GPC5: variants seen among roughly 807,000 people sequenced by gnomAD.
GPC5 encodes the protein glypican-5.
A neutral mutation model predicts 53.9 loss-of-function variants in GPC5; 47 were observed. The ratio of observed to expected loss-of-function variants is 0.87; its 90% CI spans 0.69 to 1.11. GPC5 has a LOEUF of 1.11. GPC5 is among the 50% of genes most tolerant of loss of function. The probability of loss-of-function intolerance (pLI) is 0.00; values close to 1 mark genes in which losing one functional copy is unlikely to be tolerated. For synonymous variants in GPC5, 286 were observed against 263.3 expected, an observed-to-expected ratio of 1.09 and a Z score of -0.84; for missense variants, 748 against 713.1, an observed-to-expected ratio of 1.05 and a Z score of -0.56.
intron 6 of GPC5, among the ~76,000 whole-genome samples, chr13:92,033,429 T>G (rs781493707): frequency 6.5e-4 from 99 of 152,262 alleles, no homozygotes; most frequent in Middle Eastern, 6.8e-3. Flanking sequence ...ACCTTGCTCT[T>G]CACAAGGAAA....
At chr13:91,734,652 C>A (rs1236748320) in intron 4 of GPC5, among the ~76,000 whole-genome samples, 6 of 151,404 alleles carry the variant, frequency 4.0e-5, no homozygotes, top group Admixed American at 1.3e-4. Flanking sequence ...CTCAAGGGAT[C>A]CCAGCCTTCA....
At chr13:91,417,662 T>C (rs954008450) in intron 1 of GPC5, among the ~76,000 whole-genome samples, 2 of 152,184 alleles carry the variant, frequency 1.3e-5, no homozygotes, top group African/African-American at 4.8e-5. Context: ...TAAATATTCC[T>C]GTGCATCCAG....
intron 7 of GPC5, among the ~76,000 whole-genome samples, chr13:92,604,133 G>T (rs1884173607): frequency 1.3e-5 from 2 of 152,098 alleles, no homozygotes; most frequent in Admixed American, 6.5e-5. Flanking sequence ...TCATAAAGCG[G>T]TATTAACCCA....
chr13:92,109,143 T>A (rs934649479), intron 6 of GPC5, among the ~76,000 whole-genome samples: 4 of 142,696 alleles, frequency 2.8e-5, no homozygotes, highest in African/African-American at 1.0e-4. Context: ...CTCGGCTCAC[T>A]GCAGTCTTGA....
intron 7 of GPC5, among the ~76,000 whole-genome samples, chr13:92,419,741 C>T (rs1191639354): frequency 6.6e-6 from 1 of 152,180 alleles, no homozygotes; most frequent in Non-Finnish European, 1.5e-5. Flanking sequence ...ACACCAATAA[C>T]TCAAAGGGAA....
intron 6 of GPC5, among the ~76,000 whole-genome samples, chr13:91,981,024 T>G (rs1186846566): frequency 1.3e-5 from 2 of 152,274 alleles, no homozygotes; most frequent in African/African-American, 4.8e-5. Context: ...GTGAATTCTT[T>G]GCAGTGTGGG....
At chr13:92,309,074 A>T (rs1219023920) in intron 7 of GPC5, among the ~76,000 whole-genome samples, 1 of 152,146 alleles carries the variant, frequency 6.6e-6, no homozygotes, top group Non-Finnish European at 1.5e-5. Flanking sequence ...TTTAAAAAAT[A>T]AAAGCTGTTG....
intron 6 of GPC5, among the ~76,000 whole-genome samples, chr13:92,057,106 G>A (rs1444193488): frequency 6.6e-6 from 1 of 152,084 alleles, no homozygotes; most frequent in Non-Finnish European, 1.5e-5. Context: ...AAAATGGAGT[G>A]CAATAGAAAT....
chr13:92,449,398 T>G (rs1877965618), intron 7 of GPC5, among the ~76,000 whole-genome samples: 2 of 152,176 alleles, frequency 1.3e-5, no homozygotes, highest in African/African-American at 4.8e-5. Flanking sequence ...TAAACCGCTC[T>G]CAACTCCTAG....
chr13:92,136,647 T>C (rs2041786806), intron 6 of GPC5, among the ~76,000 whole-genome samples: 1 of 152,164 alleles, frequency 6.6e-6, no homozygotes, highest in Non-Finnish European at 1.5e-5. Flanking sequence ...AAGGGAAAAA[T>C]GGAGATGTAT....
chr13:92,319,772 G>A (rs2043204083), intron 7 of GPC5, among the ~76,000 whole-genome samples: 2 of 152,226 alleles, frequency 1.3e-5, no homozygotes, highest in Non-Finnish European at 2.9e-5. Flanking sequence ...TATACGTACA[G>A]TGCATCCACA....
chr13:92,791,785 T>G (rs1876473040), intron 7 of GPC5, among the ~76,000 whole-genome samples: 1 of 152,116 alleles, frequency 6.6e-6, no homozygotes, highest in African/African-American at 2.4e-5. Flanking sequence ...CCATTTAAAG[T>G]GTATAATTCA....
chr13:92,470,739 T>C (rs966570779), intron 7 of GPC5, among the ~76,000 whole-genome samples: 5 of 152,200 alleles, frequency 3.3e-5, no homozygotes, highest in African/African-American at 1.2e-4. Context: ...AATCTGATTA[T>C]GCAATTTTAA....
At chr13:91,466,694 A>G (rs1182904255) in intron 2 of GPC5, among the ~76,000 whole-genome samples, 1 of 152,036 alleles carries the variant, frequency 6.6e-6, no homozygotes, top group Non-Finnish European at 1.5e-5. Flanking sequence ...GAGAAGGAAA[A>G]TTTCAGAGGA....
At chr13:92,743,814 A>G (rs1448006611) in intron 7 of GPC5, among the ~76,000 whole-genome samples, 5 of 152,124 alleles carry the variant, frequency 3.3e-5, no homozygotes, top group Non-Finnish European at 7.4e-5. Context: ...AATTTTGTCA[A>G]AGGCCTTTTC....
intron 1 of GPC5, among the ~76,000 whole-genome samples, chr13:91,399,773 G>C (rs767012071): frequency 6.6e-6 from 1 of 152,088 alleles, no homozygotes; most frequent in Non-Finnish European, 1.5e-5. Flanking sequence ...CTGTGCCCTC[G>C]TATCAAGCCC....
chr13:91,724,191 A>G (rs75815169), intron 3 of GPC5, among the ~76,000 whole-genome samples: 1,631 of 152,340 alleles, frequency 0.011, 27 homozygotes, highest in African/African-American at 0.037. Flanking sequence ...GAGTTATTTA[A>G]TATAATGGAG....
intron 7 of GPC5, among the ~76,000 whole-genome samples, chr13:92,146,021 G>A (rs1594781465): frequency 1.3e-5 from 2 of 152,160 alleles, no homozygotes; most frequent in East Asian, 1.9e-4. Context: ...AAAAATGGAA[G>A]CCAAAAGAGG....
At chr13:92,193,809 T>C (rs1269174754) in intron 7 of GPC5, among the ~76,000 whole-genome samples, 1 of 152,208 alleles carries the variant, frequency 6.6e-6, no homozygotes, top group Non-Finnish European at 1.5e-5. Flanking sequence ...AAGAGGCTTT[T>C]ATTGGCCAAG....
Sources: gnomAD v4.1 joint callset for allele counts (sites outside exome capture counted in the v4.1 genomes callset) on GRCh38, gnomAD v4.1.1 for gene constraint, MANE v1.5 for transcripts, NCBI Gene and HGNC (gene_info 2026-07-23, HGNC 2026-07-21) for gene names.